PHC2: variants seen among roughly 807,000 people sequenced by gnomAD.
PHC2 encodes the protein polyhomeotic homolog 2.
Under a neutral mutation model 87.4 loss-of-function variants are expected in PHC2, and 29 were observed. The observed-to-expected ratio is 0.33, with a 90% confidence interval of 0.25 to 0.45. The LOEUF is 0.45. PHC2 is among the 20% of genes least tolerant of loss of function. The pLI is 1.00. For synonymous variants in PHC2, 438 were observed against 461.7 expected (o/e 0.95, Z 0.66); for missense variants, 857 against 1,136.7 (o/e 0.75, Z 3.54).
At chr1:33,360,918 A>G (rs894332256) in intron 7 of PHC2, among the ~76,000 whole-genome samples, 6 of 152,238 alleles carry the variant, frequency 3.9e-5, no homozygotes, top group Non-Finnish European at 5.9e-5. Flanking sequence ...AGGACAAAAA[A>G]GGTCAAAAAT....
At chr1:33,335,288 C>G in intron 9 of PHC2, 1 of 985,406 alleles carries the variant, frequency 1.0e-6, no homozygotes, top group Non-Finnish European at 1.2e-6. Flanking sequence ...TCTCTCCCGC[C>G]CCCTTCCCAG....
chr1:33,393,016 TAGCA>T (rs1649134488), intron 1 of PHC2, among the ~76,000 whole-genome samples: 2 of 152,172 alleles, frequency 1.3e-5, no homozygotes, highest in African/African-American at 4.8e-5. Flanking sequence ...ATGCTTCAGA[TAGCA>T]GGCCATCTGA....
At chr1:33,407,134 C>T (rs1275921318) in intron 1 of PHC2, among the ~76,000 whole-genome samples, 1 of 152,136 alleles carries the variant, frequency 6.6e-6, no homozygotes, top group Non-Finnish European at 1.5e-5. Context: ...CAATCTGTTA[C>T]AATACTTTTT....
At chr1:33,370,350 C>T in intron 5 of PHC2, 71 bp downstream of exon 5, 2 of 1,487,116 alleles carry the variant, frequency 1.3e-6, no homozygotes, top group Non-Finnish European at 1.8e-6. Flanking sequence ...TTCTCCAGCT[C>T]CCAGCTCCCA....
rs1647658645 is a variant in PHC2 at position 33,369,004 on chromosome 1, T to C, written c.577-382A>G. Among the ~76,000 whole-genome samples, 1 of 152,146 alleles carries C rather than the reference T, an allele frequency of 6.6e-6. No homozygotes were observed. The highest frequency in any genetic ancestry group is 1.5e-5 in the Non-Finnish European group (1 of 68,004). ...CGCTGAAGCCACCACCTCCTTAGCG[T>C]CCTGGGAAGCGAGATGGATGCCCTA... On this transcript the variant is annotated intron_variant, in intron 5 of 14. Transcript: ENST00000683057. This position sits in a 1 kb window ranked among gnomAD's most constrained non-coding sequence, Gnocchi z 4.7.
intron 9 of PHC2, among the ~76,000 whole-genome samples, chr1:33,342,862 G>C (rs540122310): frequency 6.6e-6 from 1 of 152,284 alleles, no homozygotes; most frequent in African/African-American, 2.4e-5. Flanking sequence ...AAAATGTCTA[G>C]AACCAATGGG....
intron 9 of PHC2, chr1:33,345,109 C>T (rs1344359388): frequency 1.3e-5 from 2 of 152,126 alleles, no homozygotes; most frequent in African/African-American, 4.8e-5. Context: ...ATAACTCAAG[C>T]AGTCACGAAC....
intron 9 of PHC2, among the ~76,000 whole-genome samples, chr1:33,352,018 T>A (rs1319681302): frequency 1.3e-5 from 2 of 151,954 alleles, no homozygotes; most frequent in East Asian, 3.9e-4. Context: ...TTGACAGTTG[T>A]TTCCACTGTG....
At chr1:33,350,459 T>TTA (rs1251364773) in intron 9 of PHC2, 2 of 152,246 alleles carry the variant, frequency 1.3e-5, no homozygotes, top group African/African-American at 4.8e-5. Flanking sequence ...TAAGTGTTGG[T>TTA]TATCTTCCCC....
chr1:33,390,722 T>C (rs1356878369), intron 1 of PHC2, among the ~76,000 whole-genome samples: 2 of 151,202 alleles, frequency 1.3e-5, no homozygotes, highest in Non-Finnish European at 2.9e-5. Flanking sequence ...GGACAGAGTA[T>C]CTAGGTTAGG....
intron 4 of PHC2, 83 bp downstream of exon 4, chr1:33,370,934 G>T: frequency 1.8e-6 from 2 of 1,114,982 alleles, no homozygotes; most frequent in Non-Finnish European, 2.7e-6. Flanking sequence ...CATGGCCACG[G>T]ATTCACCACA....
rs1246380435 is a variant in PHC2, at chr1:33,354,506, C to G, written c.1453G>C (p.Glu485Gln). The G allele has an allele frequency of 1.2e-6, 2 of 1,614,176 alleles. No individual in the cohort carries two copies. The highest frequency in any genetic ancestry group is 3.3e-5 in the Admixed American group (2 of 60,028). The stretch of plus-strand genomic sequence containing the variant: ...TGTGGTGATGGGCCAGACCGCGTCT[C>G]AGGCACACTTTTCTCCCCTGGTGCC... ...EVAPGEKSVP[E>Q]TRSGPSPHQQ... is the part of the protein sequence containing the mutation. The change falls in exon 9 of 15, where the codon GAG (glutamate) becomes CAG (glutamine). Residue 485 changes from glutamate (E) to glutamine (Q), a missense_variant. Coordinates refer to ENST00000683057, the MANE Select transcript of PHC2 (RefSeq NM_001385109.1).
intron 1 of PHC2, among the ~76,000 whole-genome samples, chr1:33,411,600 C>T (rs773308415): frequency 6.6e-6 from 1 of 152,080 alleles, no homozygotes; most frequent in Non-Finnish European, 1.5e-5. Context: ...CTTGCTCTGT[C>T]ACCAGGCTGG....
intron 9 of PHC2, among the ~76,000 whole-genome samples, chr1:33,337,622 C>T (rs765648896): frequency 1.3e-5 from 2 of 152,184 alleles, no homozygotes; most frequent in Non-Finnish European, 2.9e-5. Flanking sequence ...AAAGGCAGTG[C>T]GTGCTAGCTT....
chr1:33,399,925 T>C (rs1649452191), intron 1 of PHC2, among the ~76,000 whole-genome samples: 1 of 152,108 alleles, frequency 6.6e-6, no homozygotes, highest in South Asian at 2.1e-4. Context: ...GATAGGTCAG[T>C]ATTTTTATTT....
chr1:33,392,109 T>TAGA (rs1444305843), intron 1 of PHC2, among the ~76,000 whole-genome samples: 1 of 152,152 alleles, frequency 6.6e-6, no homozygotes, highest in Non-Finnish European at 1.5e-5. Context: ...TGCACACTGT[T>TAGA]ATTCAGGACA....
intron 9 of PHC2, among the ~76,000 whole-genome samples, chr1:33,350,104 A>C (rs907885389): frequency 1.3e-5 from 2 of 151,352 alleles, no homozygotes; most frequent in Non-Finnish European, 2.9e-5. Flanking sequence ...CGCCACGAGG[A>C]GGCTGCCCTG....
intron 9 of PHC2, among the ~76,000 whole-genome samples, chr1:33,335,828 G>A (rs1557820193): frequency 1.3e-5 from 2 of 151,830 alleles, no homozygotes; most frequent in African/African-American, 2.4e-5. Flanking sequence ...TGAACCCAGG[G>A]GGTGGAGGCT....
intron 7 of PHC2, among the ~76,000 whole-genome samples, chr1:33,365,857 G>A (rs1647418520): frequency 7.0e-6 from 1 of 143,136 alleles, no homozygotes; most frequent in Non-Finnish European, 1.5e-5. Context: ...TTCTCTGCCT[G>A]GGAACCTTCC....
Sources: allele counts gnomAD v4.1 joint callset (sites outside exome capture counted in the v4.1 genomes callset), GRCh38; gene constraint gnomAD v4.1.1; non-coding constraint Gnocchi (gnomAD v3.1); transcripts MANE v1.5; gene names NCBI Gene and HGNC (gene_info 2026-07-23, HGNC 2026-07-21).